RAB35: variants seen among roughly 807,000 people sequenced by gnomAD.
RAB35 encodes the protein RAB35, member RAS oncogene family, also known as ras-related protein Rab-35.
RAB35 carries 4 observed loss-of-function variants against 28.9 expected under a neutral mutation model. The observed-to-expected ratio is 0.14, with a 90% CI of 0.07 to 0.32. The LOEUF is 0.32. RAB35 is among the 10% of genes least tolerant of loss of function. RAB35 has a pLI of 1.00. For synonymous variants in RAB35, 99 were observed against 105.1 expected (o/e 0.94, Z 0.35); for missense variants, 128 against 274.0 (o/e 0.47, Z 3.76).
chr12:120,111,375 C>G (rs1876110167), intron 1 of RAB35, among the ~76,000 whole-genome samples: 1 of 152,172 alleles, frequency 6.6e-6, no homozygotes, highest in Non-Finnish European at 1.5e-5. Flanking sequence ...GGCGTCTCGG[C>G]AGAGCAGTTA....
rs751946788 is a variant in RAB35 at position 120,096,498 on chromosome 12, T to C, written c.*747A>G. 6.2e-6 allele frequency: 8 copies of C among 1,289,622 alleles called. No homozygotes were observed. The African/African-American group carries it at 7.6e-5, about 12-fold the overall frequency. The allele number at this position is 1,289,622 out of a possible 1,614,324, so 79.9% of individuals were successfully genotyped here. ...ACCTTTCTGTTGGAACTGAAACCTG[T>C]TGGTGTAAATGAGAAGCCATGGCTG... On this transcript the variant is annotated 3_prime_UTR_variant, in exon 6 of 6. Transcript: ENST00000229340.
chr12:120,112,034 A>G (rs1172539394), intron 1 of RAB35, among the ~76,000 whole-genome samples: 1 of 150,592 alleles, frequency 6.6e-6, no homozygotes, highest in Non-Finnish European at 1.5e-5. Context: ...AGGCTGGAGT[A>G]CGGTGGCGCG....
chr12:120,104,034 C>T, intron 2 of RAB35, 85 bp from the exon 3 acceptor site: 2 of 1,521,520 alleles, frequency 1.3e-6, no homozygotes, highest in Non-Finnish European at 1.8e-6. Context: ...CACCCCCAGG[C>T]TCCCCCACCC....
intron 3 of RAB35, among the ~76,000 whole-genome samples, chr12:120,100,763 C>T (rs542218730): frequency 5.3e-5 from 8 of 152,338 alleles, no homozygotes; most frequent in Non-Finnish European, 7.3e-5. Context: ...GTAGCTGTGA[C>T]GATCAAGCTC....
At chr12:120,108,174 T>C (rs1875967810) in intron 2 of RAB35, among the ~76,000 whole-genome samples, 4 of 152,054 alleles carry the variant, frequency 2.6e-5, no homozygotes, top group Admixed American at 6.5e-5. Context: ...GTTTGGACCA[T>C]GGGTGGGAAA....
chr12:120,108,604 T>C (rs755451318), intron 1 of RAB35, 137 bp from the exon 2 acceptor site: 5 of 773,474 alleles, frequency 6.5e-6, no homozygotes, highest in African/African-American at 1.7e-5. Context: ...CTCAATGCTC[T>C]TTCCACCTCC....
At position 120,095,555 on chromosome 12, in the gene RAB35, C is replaced by G. The variant is rs1875343680; in HGVS notation, c.*1690G>C. ...CCAGGACAGTCCCAAGGACGGAGAC[C>G]CCGCTTCTGCTCCTGCCGCCCCCGC... On this transcript the variant is annotated 3_prime_UTR_variant, in exon 6 of 6. Coordinates refer to ENST00000229340, the MANE Select transcript of RAB35 (RefSeq NM_006861.7). 1 of 152,596 alleles carries G rather than the reference C, an allele frequency of 6.6e-6. No homozygotes were observed. The highest frequency in any genetic ancestry group is 6.5e-5 in the Admixed American group (1 of 15,280). 9.5% of individuals were successfully genotyped at this position (152,596 alleles called of 1,614,324 possible).
intron 1 of RAB35, among the ~76,000 whole-genome samples, chr12:120,113,857 C>T (rs912867675): frequency 6.6e-6 from 1 of 152,164 alleles, no homozygotes; most frequent in East Asian, 1.9e-4. Context: ...ATAGAACCTC[C>T]GGCATAACGA....
intron 3 of RAB35, among the ~76,000 whole-genome samples, chr12:120,101,171 C>T (rs1383301435): frequency 6.6e-6 from 1 of 152,354 alleles, no homozygotes; most frequent in East Asian, 1.9e-4. Context: ...CCAGGAATCA[C>T]CTTCACTCAC....
rs1156599492 is a variant in RAB35 at position 120,103,763 on chromosome 12, G to A, written c.227+63C>T. 1.3e-6 allele frequency: 2 copies of A among 1,589,892 alleles called. No homozygotes were observed. Among genetic ancestry groups the A allele is most frequent in the South Asian group, 2.2e-5 (2 of 88,976 alleles). On this transcript the variant is annotated intron_variant, in intron 3 of 5. Transcript: ENST00000229340. The surrounding 1 kb of genome is among the most constrained non-coding windows in gnomAD (Gnocchi z 6.1). The stretch of plus-strand genomic sequence containing the variant: ...ACATTTCCACCATGACCAGGCACCG[G>A]TCGCTCAACTGTGTCCACAGGTCAG...
intron 1 of RAB35, among the ~76,000 whole-genome samples, chr12:120,111,878 A>G (rs535946145): frequency 6.6e-5 from 10 of 152,106 alleles, no homozygotes; most frequent in Admixed American, 4.6e-4. Flanking sequence ...CCACACCATC[A>G]GTGTCAGGGC....
At chr12:120,106,003 G>T (rs1875856966) in intron 2 of RAB35, among the ~76,000 whole-genome samples, 2 of 152,056 alleles carry the variant, frequency 1.3e-5, no homozygotes, top group Admixed American at 1.3e-4. Context: ...CTCTGTGCAG[G>T]TGAGAGGGGC....
chr12:120,112,953 C>A (rs1333374219), intron 1 of RAB35, among the ~76,000 whole-genome samples: 1 of 150,530 alleles, frequency 6.6e-6, no homozygotes, highest in Non-Finnish European at 1.5e-5. Flanking sequence ...TACAGTGGCA[C>A]GATCTCGGCT....
intron 1 of RAB35, among the ~76,000 whole-genome samples, chr12:120,115,291 C>A (rs149539784): frequency 6.6e-6 from 1 of 152,142 alleles, no homozygotes; most frequent in East Asian, 1.9e-4. Flanking sequence ...GCTCTGACAT[C>A]GCTACCCAAC....
Position 120,103,959 on chromosome 12 carries a change from C to T in RAB35, c.104-10G>A. 3 of 1,613,740 alleles carry T rather than the reference C, an allele frequency of 1.9e-6. No individual in the cohort carries two copies. Among genetic ancestry groups the T allele is most frequent in the Non-Finnish European group, 2.5e-6 (3 of 1,179,818 alleles). ...GTGGTGATGTAGCTGCCTGCACACA[C>T]AGGGCAGTTAACGAGGCCCAGCGCG... On this transcript the variant is annotated splice_polypyrimidine_tract_variant and intron_variant, in intron 2 of 5. Transcript: ENST00000229340. This position sits in a 1 kb window ranked among gnomAD's most constrained non-coding sequence, Gnocchi z 6.1.
chr12:120,105,117 C>G (rs151022213), intron 2 of RAB35, among the ~76,000 whole-genome samples: 7 of 152,240 alleles, frequency 4.6e-5, no homozygotes, highest in South Asian at 4.1e-4. Context: ...AGGTCAAATT[C>G]CAAGGTGGGG....
Position 120,108,445 on chromosome 12 carries a change from C to T in RAB35, c.75G>A (p.Leu25=), listed in dbSNP as rs1248125595. Residue 25 remains leucine, a synonymous_variant, in exon 2 of 6, where the codon CTG becomes CTA. Coordinates refer to ENST00000229340, the MANE Select transcript of RAB35 (RefSeq NM_006861.7). ...AGAAAGTGTTGTCTGCAAAACGCAA[C>T]AGTAAACTGCTCTTGCCCACACCTG... ...GDSGVGKSSL[L]LRFADNTFSG... 1 of 1,614,116 alleles carries T rather than the reference C, an allele frequency of 6.2e-7. No individual in the cohort carries two copies. The highest frequency in any genetic ancestry group is 1.1e-5 in the South Asian group (1 of 91,084).
chr12:120,112,729 C>CT (rs34089715), intron 1 of RAB35, among the ~76,000 whole-genome samples: 65,898 of 142,572 alleles, frequency 0.46, 18,016 homozygotes, highest in Admixed American at 0.6. Context: ...GTGCCTGGAC[C>CT]TTTTTTTTTT....
intron 2 of RAB35, 61 bp downstream of exon 2, chr12:120,108,356 G>A: frequency 2.0e-6 from 3 of 1,500,568 alleles, no homozygotes; most frequent in East Asian, 2.3e-5. Context: ...TGGTGCCAGG[G>A]AGGGGATGTC....
Sources: gnomAD v4.1 joint callset for allele counts (sites outside exome capture counted in the v4.1 genomes callset) on GRCh38, gnomAD v4.1.1 for gene constraint, Gnocchi (gnomAD v3.1) non-coding constraint, MANE v1.5 for transcripts, NCBI Gene and HGNC (gene_info 2026-07-23, HGNC 2026-07-21) for gene names.